CLDN16: variants seen among roughly 807,000 people sequenced by gnomAD.
CLDN16 encodes the protein claudin 16, also known as claudin-16.
Under a neutral mutation model 24.6 loss-of-function variants are expected in CLDN16, and 13 were observed. The observed-to-expected ratio is 0.53, with a 90% confidence interval of 0.34 to 0.84. The LOEUF is 0.84. Ranked by LOEUF, CLDN16 falls within the 40% of genes least tolerant of loss-of-function variation. The pLI, the probability that CLDN16 is intolerant of heterozygous loss-of-function variation, is 0.01. For synonymous variants in CLDN16, 116 were observed against 106.7 expected, an observed-to-expected ratio of 1.09 and a Z score of -0.54; for missense variants, 298 against 292.7, an observed-to-expected ratio of 1.02 and a Z score of -0.13.
chr3:190,333,432 A>G (rs1444518529), intron 1 of CLDN16, among the ~76,000 whole-genome samples: 2 of 152,150 alleles, frequency 1.3e-5, no homozygotes, highest in Admixed American at 6.5e-5. Flanking sequence ...TGTATGCACT[A>G]TTACTCAAAA....
intron 2 of CLDN16, among the ~76,000 whole-genome samples, chr3:190,403,485 C>A (rs1719012749): frequency 1.3e-5 from 2 of 152,150 alleles, no homozygotes; most frequent in African/African-American, 4.8e-5. Context: ...GAACATCGAA[C>A]CCTGCTAAGA....
At chr3:190,368,535 T>G (rs1718070144) in intron 1 of CLDN16, among the ~76,000 whole-genome samples, 1 of 151,998 alleles carries the variant, frequency 6.6e-6, no homozygotes, top group Non-Finnish European at 1.5e-5. Context: ...TCTAATACAG[T>G]GATTTTGACT....
At chr3:190,324,330 A>G (rs1207088457) in intron 1 of CLDN16, among the ~76,000 whole-genome samples, 1 of 151,944 alleles carries the variant, frequency 6.6e-6, no homozygotes, top group Non-Finnish European at 1.5e-5. Flanking sequence ...TAACAATATG[A>G]AAATTAGCCG....
At chr3:190,333,534 CTATCTAT>C (rs1560080520) in intron 1 of CLDN16, among the ~76,000 whole-genome samples, 3 of 16,496 alleles carry the variant, frequency 1.8e-4, no homozygotes, top group African/African-American at 5.9e-4. Flanking sequence ...AGTCTATCAT[CTATCTAT>C]CTATCTATCT....
chr3:190,343,698 G>C (rs1421310566), intron 1 of CLDN16, among the ~76,000 whole-genome samples: 2 of 152,068 alleles, frequency 1.3e-5, no homozygotes, highest in Non-Finnish European at 2.9e-5. Flanking sequence ...AAGTAAGTCA[G>C]ACACAGAAAG....
intron 1 of CLDN16, among the ~76,000 whole-genome samples, chr3:190,332,077 A>G (rs1717192484): frequency 6.6e-6 from 1 of 152,206 alleles, no homozygotes; most frequent in African/African-American, 2.4e-5. Context: ...AGATAATCAC[A>G]TCTCAAGATC....
chr3:190,300,304 C>T, the CLDN16 span, among the ~76,000 whole-genome samples: 2 of 144,918 alleles, frequency 1.4e-5, no homozygotes, highest in Non-Finnish European at 2.9e-5. Flanking sequence ...TCATTGCTGC[C>T]CAATGCAGGA....
chr3:190,338,499 A>G (rs1367246627), intron 1 of CLDN16, among the ~76,000 whole-genome samples: 1 of 152,170 alleles, frequency 6.6e-6, no homozygotes, highest in Non-Finnish European at 1.5e-5. Flanking sequence ...TTAATTATAA[A>G]TTGACAAGTA....
At chr3:190,347,808 T>G (rs571111575) in intron 1 of CLDN16, among the ~76,000 whole-genome samples, 50 of 152,124 alleles carry the variant, frequency 3.3e-4, no homozygotes, top group African/African-American at 1.2e-3. Context: ...GAGACCTGCA[T>G]GATATGAGGT....
chr3:190,334,544 G>A (rs1466079152), intron 1 of CLDN16, among the ~76,000 whole-genome samples: 1 of 152,222 alleles, frequency 6.6e-6, no homozygotes, highest in Non-Finnish European at 1.5e-5. Flanking sequence ...CACTCAGTCT[G>A]TTCCCCAGCA....
At chr3:190,399,661 A>AT (rs1577427889) in intron 1 of CLDN16, among the ~76,000 whole-genome samples, 1 of 152,298 alleles carries the variant, frequency 6.6e-6, no homozygotes, top group East Asian at 1.9e-4. Flanking sequence ...TCAAACATTT[A>AT]TTTTTTGTTG....
In CLDN16 at chr3:190,342,623, G is replaced by A. The variant is rs547791287; in HGVS notation, n.121+19962G>A. ...GTACTGGCATAAAAGAGGCATGTCAGCCAGTGGAACAGAAGGGAGAGTCCC... is the reference window on the plus strand; with the variant it reads ...GTACTGGCATAAAAGAGGCATGTCAACCAGTGGAACAGAAGGGAGAGTCCC... On this transcript the variant is annotated intron_variant and non_coding_transcript_variant, in intron 1 of 4. Coordinates refer to the CLDN16 transcript ENST00000468220. Among the ~76,000 whole-genome samples, 7 of 152,316 alleles carry A rather than the reference G, an allele frequency of 4.6e-5. No homozygotes were observed. The South Asian group carries it at 1.4e-3, about 32-fold the overall frequency.
chr3:190,302,460 G>A, the CLDN16 span, among the ~76,000 whole-genome samples: 2 of 152,098 alleles, frequency 1.3e-5, no homozygotes, highest in Admixed American at 6.6e-5. Context: ...AATATACTGC[G>A]AATGTTAGAT....
At chr3:190,404,553 G>A (rs1311709684) in intron 2 of CLDN16, among the ~76,000 whole-genome samples, 27 of 152,130 alleles carry the variant, frequency 1.8e-4, no homozygotes, top group Admixed American at 1.8e-3. Context: ...AGTGAACTGT[G>A]GTTAAACAAG....
chr3:190,360,441 A>G (rs146399517), intron 1 of CLDN16, among the ~76,000 whole-genome samples: 1 of 151,946 alleles, frequency 6.6e-6, no homozygotes, highest in Non-Finnish European at 1.5e-5. Flanking sequence ...CAGGAAGACC[A>G]TTTTAGGAAG....
the CLDN16 span, among the ~76,000 whole-genome samples, chr3:190,312,444 T>G: frequency 6.6e-6 from 1 of 152,176 alleles, no homozygotes; most frequent in Non-Finnish European, 1.5e-5. Flanking sequence ...ATCCTTATTT[T>G]TCTCCAATAA....
intron 1 of CLDN16, among the ~76,000 whole-genome samples, chr3:190,350,469 A>G (rs1717648703): frequency 6.6e-6 from 1 of 152,014 alleles, no homozygotes; most frequent in African/African-American, 2.4e-5. Flanking sequence ...GCAACTAAGA[A>G]TTGCTAATTT....
At chr3:190,390,400 G>A (rs1323127876) in intron 1 of CLDN16, among the ~76,000 whole-genome samples, 2 of 152,166 alleles carry the variant, frequency 1.3e-5, no homozygotes, top group African/African-American at 2.4e-5. Flanking sequence ...TGGGTGTGGT[G>A]GCAGGGGCCT....
the CLDN16 span, chr3:190,307,490 G>GTT: frequency 6.6e-6 from 1 of 152,196 alleles, no homozygotes; most frequent in Admixed American, 6.6e-5. Flanking sequence ...GATTGTGTGG[G>GTT]AAGGTCAACA....
Sources: gnomAD v4.1 joint callset for allele counts (sites outside exome capture counted in the v4.1 genomes callset) on GRCh38, gnomAD v4.1.1 for gene constraint, MANE v1.5 for transcripts, NCBI Gene and HGNC (gene_info 2026-07-23, HGNC 2026-07-21) for gene names.